Variants in COBLL1 observed in about 807,000 individuals in gnomAD.
The protein encoded by COBLL1 is cordon-bleu protein-like 1.
In COBLL1, 50 loss-of-function variants were observed where a neutral mutation model predicts 94.8. The ratio of observed to expected loss-of-function variants is 0.53; its 90% CI spans 0.42 to 0.67. The LOEUF (loss-of-function observed/expected upper bound fraction) is 0.67, where lower values mean the gene tolerates loss of function less well. Among genes scored for constraint, COBLL1 ranks in the 30% least tolerant of loss-of-function variants. The pLI, the probability that COBLL1 is intolerant of heterozygous loss-of-function variation, is 0.00. For synonymous variants in COBLL1, 448 were observed against 473.8 expected, an observed-to-expected ratio of 0.95 and a Z score of 0.71; for missense variants, 1,362 against 1,348.7, an observed-to-expected ratio of 1.01 and a Z score of -0.15.
chr2:164,658,813 C>A (rs1483705250), intron 2 of COBLL1, among the ~76,000 whole-genome samples: 1 of 152,176 alleles, frequency 6.6e-6, no homozygotes, highest in East Asian at 1.9e-4. Context: ...TCTATTTCTC[C>A]TGCTGAGCAT....
intron 7 of COBLL1, among the ~76,000 whole-genome samples, chr2:164,707,738 T>C (rs1007047294): frequency 6.6e-6 from 1 of 152,124 alleles, no homozygotes; most frequent in Non-Finnish European, 1.5e-5. Flanking sequence ...CATTTGTAAA[T>C]AAAAGACCTT....
chr2:164,815,953 T>C (rs1259393188), intron 2 of COBLL1, among the ~76,000 whole-genome samples: 1 of 152,072 alleles, frequency 6.6e-6, no homozygotes, highest in Non-Finnish European at 1.5e-5. Flanking sequence ...AAACTATTTT[T>C]GAAAACCCAG....
At chr2:164,786,783 C>G (rs1688982609) in intron 2 of COBLL1, among the ~76,000 whole-genome samples, 1 of 152,088 alleles carries the variant, frequency 6.6e-6, no homozygotes, top group Non-Finnish European at 1.5e-5. Flanking sequence ...TTCCATTGTA[C>G]TTCTTGAACT....
intron 5 of COBLL1, among the ~76,000 whole-genome samples, chr2:164,726,288 T>C (rs1317469009): frequency 6.6e-6 from 1 of 152,150 alleles, no homozygotes; most frequent in African/African-American, 2.4e-5. Flanking sequence ...CCTATTATTA[T>C]AGAAGTAGAA....
intron 2 of COBLL1, among the ~76,000 whole-genome samples, chr2:164,819,780 G>A (rs1685065757): frequency 6.6e-6 from 1 of 151,534 alleles, no homozygotes; most frequent in South Asian, 2.1e-4. Context: ...GGGTAAAAAA[G>A]AACATGTAGT....
chr2:164,707,423 G>C (rs1025873858), intron 7 of COBLL1, among the ~76,000 whole-genome samples: 1 of 152,174 alleles, frequency 6.6e-6, no homozygotes, highest in Non-Finnish European at 1.5e-5. Context: ...TTACAGGCAT[G>C]AGCTACCATA....
At chr2:164,821,923 T>C (rs1444722585) in intron 2 of COBLL1, among the ~76,000 whole-genome samples, 2 of 152,200 alleles carry the variant, frequency 1.3e-5, no homozygotes, top group Non-Finnish European at 2.9e-5. Flanking sequence ...TAAACCAATC[T>C]TGTTAACTTT....
chr2:164,760,950 T>C (rs1403764435), intron 2 of COBLL1, among the ~76,000 whole-genome samples: 1 of 152,078 alleles, frequency 6.6e-6, no homozygotes, highest in Admixed American at 6.5e-5. Flanking sequence ...GGCAAAGATA[T>C]TGGAAAAAAT....
intron 8 of COBLL1, 77 bp from the exon 9 acceptor site, chr2:164,704,595 T>C (rs1260984802): frequency 8.1e-7 from 1 of 1,237,352 alleles, no homozygotes; most frequent in Non-Finnish European, 1.2e-6. Context: ...AACTTAGTTA[T>C]ATAGTTCAGA....
At chr2:164,727,849 T>C in intron 5 of COBLL1, 120 bp downstream of exon 5, 2 of 513,148 alleles carry the variant, frequency 3.9e-6, no homozygotes, top group Non-Finnish European at 6.9e-6. Flanking sequence ...TAATTACTTT[T>C]ATCTATAGGA....
intron 2 of COBLL1, among the ~76,000 whole-genome samples, chr2:164,830,568 T>C (rs986088264): frequency 5.3e-5 from 8 of 152,200 alleles, no homozygotes; most frequent in African/African-American, 1.9e-4. Context: ...ATACTACTTA[T>C]AACCATGTAA....
At chr2:164,822,959 G>A (rs1014305592) in intron 2 of COBLL1, among the ~76,000 whole-genome samples, 1 of 151,974 alleles carries the variant, frequency 6.6e-6, no homozygotes, top group Non-Finnish European at 1.5e-5. Context: ...AGGAGAGACG[G>A]AATATTGCCA....
In COBLL1 at chr2:164,841,619, C is replaced by T. The variant is rs1683628446; in HGVS notation, c.-51+91G>A. ...GCAGCGCACTCCCAGGCTCCTCCGG[C>T]CGAGTTTGCACAAACAAAACGCCCT... On this transcript the variant is annotated intron_variant, in intron 1 of 13. Transcript: ENST00000652658. This position sits in a 1 kb window ranked among gnomAD's most constrained non-coding sequence, Gnocchi z 5.5. 1 of 361,268 alleles carries T rather than the reference C, an allele frequency of 2.8e-6. No individual in the cohort carries two copies. The highest frequency in any genetic ancestry group is 5.8e-5 in the East Asian group (1 of 17,166). The allele number at this position is 361,268 out of a possible 1,614,324, so 22.4% of individuals were successfully genotyped here.
chr2:164,679,514 TG>T (rs1408200253), downstream of COBLL1, among the ~76,000 whole-genome samples: 1 of 152,058 alleles, frequency 6.6e-6, no homozygotes, highest in Non-Finnish European at 1.5e-5. Flanking sequence ...AATGGGGCCA[TG>T]GTATCAAATA....
chr2:164,775,849 G>A (rs576411272), intron 2 of COBLL1, among the ~76,000 whole-genome samples: 10 of 152,146 alleles, frequency 6.6e-5, no homozygotes, highest in South Asian at 2.1e-4. Context: ...CACCCTACTT[G>A]GGGGTCTTAC....
At chr2:164,727,181 T>C (rs1225374168) in intron 5 of COBLL1, 18 of 1,235,948 alleles carry the variant, frequency 1.5e-5, no homozygotes, top group Non-Finnish European at 7.9e-6. Flanking sequence ...GTAAATTGAC[T>C]GTGAAGATGA....
At chr2:164,757,718 G>T (rs1351125482) in intron 2 of COBLL1, among the ~76,000 whole-genome samples, 1 of 151,940 alleles carries the variant, frequency 6.6e-6, no homozygotes, top group Non-Finnish European at 1.5e-5. Flanking sequence ...AGCCTGAGGT[G>T]GTAGGATCAC....
chr2:164,723,767 C>G (rs931115052), intron 5 of COBLL1: 1 of 151,914 alleles, frequency 6.6e-6, no homozygotes, highest in Admixed American at 6.6e-5. Context: ...TTTTATTATA[C>G]CTTTTTCTTT....
intron 2 of COBLL1, among the ~76,000 whole-genome samples, chr2:164,750,748 G>T (rs952870439): frequency 6.6e-6 from 1 of 152,078 alleles, no homozygotes; most frequent in Admixed American, 6.6e-5. Flanking sequence ...TGGCTTGCAG[G>T]CCCCAAATGA....
Sources: allele counts gnomAD v4.1 joint callset (sites outside exome capture counted in the v4.1 genomes callset), GRCh38; gene constraint gnomAD v4.1.1; non-coding constraint Gnocchi (gnomAD v3.1); transcripts MANE v1.5; gene names NCBI Gene and HGNC (gene_info 2026-07-23, HGNC 2026-07-21).